Variants in DSG4 observed in about 807,000 individuals in gnomAD.
DSG4 encodes the protein desmoglein 4, also known as desmoglein-4.
A neutral mutation model predicts 93.1 loss-of-function variants in DSG4; 87 were observed. That is an observed-to-expected ratio of 0.93 (90% CI 0.79 to 1.12). DSG4 has a LOEUF of 1.12. DSG4 is among the 50% of genes most tolerant of loss of function. DSG4 has a pLI of 0.00. For synonymous variants in DSG4, 432 were observed against 452.9 expected, an observed-to-expected ratio of 0.95 and a Z score of 0.59; for missense variants, 1,373 against 1,285.7, an observed-to-expected ratio of 1.07 and a Z score of -1.04.
chr18:31,386,513 C>T (rs181083653), intron 2 of DSG4, among the ~76,000 whole-genome samples, 175 bp from the exon 3 acceptor site: 2 of 152,214 alleles, frequency 1.3e-5, no homozygotes, highest in East Asian at 1.9e-4. Flanking sequence ...GAAGTGGCAG[C>T]CAGGGGTAAC....
chr18:31,392,857 G>A (rs2072264348), intron 8 of DSG4, among the ~76,000 whole-genome samples: 1 of 152,170 alleles, frequency 6.6e-6, no homozygotes, highest in Middle Eastern at 3.2e-3. Flanking sequence ...GCAAGTTCAG[G>A]GCATGGTGAG....
rs370458597 is a variant in DSG4 at position 31,413,020 on chromosome 18, A to G, written c.2548A>G (p.Thr850Ala). 17 of 1,614,090 alleles carry G rather than the reference A, an allele frequency of 1.1e-5. No individual in the cohort carries two copies. In the African/African-American group the frequency reaches 1.7e-4, roughly 16 times the overall value. ...FRTLAEICLN[T>A]EIEPFPSHQA... is the part of the protein sequence containing the mutation. ...GACTCTTGCTGAGATCTGCTTAAAC[A>G]CAGAAATTGAACCATTTCCTTCACA... The change falls in exon 16 of 16, where the codon ACA (threonine) becomes GCA (alanine). Residue 850 changes from threonine (T) to alanine (A), a missense_variant. Transcript: ENST00000308128.
intron 1 of DSG4, among the ~76,000 whole-genome samples, chr18:31,379,540 T>A (rs745777990): frequency 1.6e-4 from 25 of 152,140 alleles, no homozygotes; most frequent in Non-Finnish European, 3.4e-4. Context: ...GTGGATAAGG[T>A]CATAAAAGAC....
At position 31,409,605 on chromosome 18, in the gene DSG4, C is replaced by T; in HGVS notation, c.2073+14C>T. 3 of 1,614,184 alleles carry T rather than the reference C, an allele frequency of 1.9e-6. No homozygotes were observed. Among genetic ancestry groups the T allele is most frequent in the Non-Finnish European group, 2.5e-6 (3 of 1,180,034 alleles). ...CCCGAGGACAGGGTAAGTGGACTGT[C>T]ACTCTCCAGAGAAGTGTGGAGTTTC... On this transcript the variant is annotated intron_variant, in intron 13 of 15. Transcript: ENST00000308128.
At chr18:31,395,109 T>A (rs1414558690) in intron 8 of DSG4, among the ~76,000 whole-genome samples, 1 of 152,112 alleles carries the variant, frequency 6.6e-6, no homozygotes, top group Non-Finnish European at 1.5e-5. Flanking sequence ...ACTAATGGCA[T>A]AGATATCATC....
At chr18:31,393,915 T>C (rs1253911566) in intron 8 of DSG4, among the ~76,000 whole-genome samples, 5 of 152,162 alleles carry the variant, frequency 3.3e-5, no homozygotes. Context: ...TATTTATATA[T>C]AAGATTGTCA....
intron 1 of DSG4, among the ~76,000 whole-genome samples, chr18:31,384,512 T>C (rs1191625935): frequency 6.6e-6 from 1 of 152,172 alleles, no homozygotes; most frequent in Non-Finnish European, 1.5e-5. Context: ...ATGGAAGGGA[T>C]AATTCATCAA....
At chr18:31,392,462 A>C in intron 8 of DSG4, 122 bp downstream of exon 8, 2 of 1,078,080 alleles carry the variant, frequency 1.9e-6, no homozygotes, top group Non-Finnish European at 2.7e-6. Flanking sequence ...AATATTGTTT[A>C]TATCAAGGGT....
chr18:31,377,419 T>C (rs73410241), intron 1 of DSG4, among the ~76,000 whole-genome samples: 10,466 of 152,220 alleles, frequency 0.069, 372 homozygotes, highest in African/African-American at 0.094. Flanking sequence ...TGAAATTACA[T>C]TGCAACTAAT....
chr18:31,400,794 A>G, intron 9 of DSG4, 87 bp from the exon 10 acceptor site: 2 of 1,390,266 alleles, frequency 1.4e-6, no homozygotes, highest in South Asian at 2.4e-5. Context: ...ACACAATATT[A>G]AAGTTTGCCA....
chr18:31,406,762 AT>A (rs150432441), intron 12 of DSG4, among the ~76,000 whole-genome samples: 8,033 of 149,864 alleles, frequency 0.054, 638 homozygotes, highest in African/African-American at 0.17. Context: ...AAAGCTGAGG[AT>A]TTTTTTTTTC....
intron 14 of DSG4, 70 bp downstream of exon 14, chr18:31,409,878 T>A: frequency 6.6e-7 from 1 of 1,523,818 alleles, no homozygotes; most frequent in Non-Finnish European, 9.1e-7. Flanking sequence ...CAACTTCATG[T>A]AAAAGTACCT....
Position 31,388,863 on chromosome 18 carries a change from A to G in DSG4, c.373-11A>G, listed in dbSNP as rs758550163. The G allele has an allele frequency of 1.1e-5, 18 of 1,613,286 alleles. No homozygotes were observed. Among genetic ancestry groups the G allele is most frequent in the Non-Finnish European group, 1.4e-5 (17 of 1,179,532 alleles). The stretch of plus-strand genomic sequence containing the variant: ...GGTGGAAAAAGATGGCTTTTTTCCA[A>G]TTTTCCACAGATCTATTGCCGGGCT... On this transcript the variant is annotated splice_polypyrimidine_tract_variant and intron_variant, in intron 4 of 15. Coordinates refer to ENST00000308128, the MANE Select transcript of DSG4 (RefSeq NM_177986.5).
chr18:31,397,108 A>G (rs2072314069), intron 8 of DSG4, among the ~76,000 whole-genome samples: 1 of 152,250 alleles, frequency 6.6e-6, no homozygotes, highest in Admixed American at 6.5e-5. Context: ...TGTCCCCACT[A>G]GAATTAGCAG....
chr18:31,381,403 G>A (rs1241963037), intron 1 of DSG4, among the ~76,000 whole-genome samples: 1 of 152,054 alleles, frequency 6.6e-6, no homozygotes, highest in East Asian at 1.9e-4. Context: ...ATGTTCATGG[G>A]ATAAATTAGT....
At position 31,412,973 on chromosome 18, in the gene DSG4, A is replaced by G. The variant is rs373931103; in HGVS notation, c.2501A>G (p.Glu834Gly). The change falls in exon 16 of 16, where the codon GAA (glutamate) becomes GGA (glycine). Residue 834 changes from glutamate to glycine, a missense_variant. Transcript: ENST00000308128. ...GATGACTTAGATGAAAGCTGCATGG[A>G]AACTTTAGATCCAAAATTTAGGACT... Reference protein sequence around the residue: ...IVDDLDESCMETLDPKFRTLA... With the variant: ...IVDDLDESCMGTLDPKFRTLA... 7 of 1,614,038 alleles carry G rather than the reference A, an allele frequency of 4.3e-6. No homozygotes were observed. The African/African-American group carries it at 5.3e-5, about 12-fold the overall frequency.
At chr18:31,395,270 C>CT (rs2072293996) in intron 8 of DSG4, among the ~76,000 whole-genome samples, 1 of 138,486 alleles carries the variant, frequency 7.2e-6, no homozygotes, top group Non-Finnish European at 1.6e-5. Context: ...TACTTAATTG[C>CT]TAAAAAAAAA....
intron 14 of DSG4, chr18:31,411,028 C>T: frequency 1.4e-6 from 2 of 1,450,356 alleles, no homozygotes; most frequent in East Asian, 2.5e-5. Flanking sequence ...CCACCACTGA[C>T]TCCCTCTGTG....
intron 14 of DSG4, 134 bp from the exon 15 acceptor site, chr18:31,411,097 C>G (rs887289233): frequency 6.3e-7 from 1 of 1,583,256 alleles, no homozygotes; most frequent in Non-Finnish European, 8.6e-7. Context: ...TAACTTGTAT[C>G]TCTCTTTGTC....
Sources: gnomAD v4.1 joint callset for allele counts (sites outside exome capture counted in the v4.1 genomes callset) on GRCh38, gnomAD v4.1.1 for gene constraint, MANE v1.5 for transcripts, NCBI Gene and HGNC (gene_info 2026-07-23, HGNC 2026-07-21) for gene names.